RBM34: variants seen among roughly 807,000 people sequenced by gnomAD.
The protein encoded by RBM34 is RNA binding motif protein 34, also known as RNA-binding protein 34.
Under a neutral mutation model 44.6 loss-of-function variants are expected in RBM34, and 39 were observed. That is an observed-to-expected ratio of 0.87 (90% confidence interval 0.68 to 1.14). RBM34 has a LOEUF of 1.14. RBM34 is among the 50% of genes most tolerant of loss of function. The probability of loss-of-function intolerance (pLI) is 0.00; values close to 1 mark genes in which losing one functional copy is unlikely to be tolerated. For synonymous variants in RBM34, 194 were observed against 184.0 expected, an observed-to-expected ratio of 1.05 and a Z score of -0.44; for missense variants, 572 against 517.9, an observed-to-expected ratio of 1.10 and a Z score of -1.01.
rs761837567 is a variant in RBM34 at position 235,131,924 on chromosome 1, C to T, written c.1082G>A (p.Arg361His). The change falls in exon 11 of 11, where the codon CGT becomes CAT. Residue 361 changes from arginine (R) to histidine (H), a missense_variant. By Grantham distance (29) the Arg-to-His change is conservative. Coordinates refer to ENST00000408888, the MANE Select transcript of RBM34 (RefSeq NM_015014.4). The stretch of plus-strand genomic sequence containing the variant: ...TTTAAATTTTTCTTTATTAACAGAA[C>T]GCATGACTCTGAGTTTTCTCCCCAT... ...ELMGRKLRVM[R>H]SVNKEKFKQQ... is the part of the protein sequence containing the mutation. 27 of 1,612,878 alleles carry T rather than the reference C, an allele frequency of 1.7e-5. No homozygotes were observed. Among genetic ancestry groups the T allele is most frequent in the Non-Finnish European group, 2.2e-5 (26 of 1,179,178 alleles).
intron 3 of RBM34, among the ~76,000 whole-genome samples, chr1:235,159,012 C>T (rs902974044): frequency 4.7e-5 from 7 of 149,872 alleles, no homozygotes; most frequent in African/African-American, 1.2e-4. Context: ...CAGCAGTTTG[C>T]GACCAGCCTG....
rs1373363715 is a variant in RBM34 at position 235,138,318 on chromosome 1, A to G, written c.702-144T>C. On this transcript the variant is annotated intron_variant, in intron 6 of 10. Coordinates refer to ENST00000408888, the MANE Select transcript of RBM34 (RefSeq NM_015014.4). Reference sequence around the variant, plus strand: ...CTGGGTGGACATTTCATCTCTTTGAATAAATATTTAGTAATAACTCAAAAA... The same window carrying G: ...CTGGGTGGACATTTCATCTCTTTGAGTAAATATTTAGTAATAACTCAAAAA... 9.6e-6 allele frequency: 6 copies of G among 625,610 alleles called. No individual in the cohort carries two copies. In the Admixed American group the frequency reaches 1.4e-4, roughly 14 times the overall value. 38.8% of individuals were successfully genotyped at this position (625,610 alleles called of 1,614,324 possible).
At chr1:235,152,442 A>C in intron 5 of RBM34, 1 of 1,115,272 alleles carries the variant, frequency 9.0e-7, no homozygotes, top group Non-Finnish European at 1.1e-6. Context: ...CTGACACAGT[A>C]AATAAGTCAC....
intron 3 of RBM34, among the ~76,000 whole-genome samples, chr1:235,156,945 A>G (rs1662475886): frequency 6.6e-6 from 1 of 152,366 alleles, no homozygotes; most frequent in Admixed American, 6.5e-5. Flanking sequence ...CACATAGTCC[A>G]ATAAAAGCTG....
chr1:235,134,182 C>A (rs1013945080), intron 10 of RBM34, among the ~76,000 whole-genome samples: 4 of 152,248 alleles, frequency 2.6e-5, no homozygotes, highest in South Asian at 2.1e-4. Context: ...ACCACCACGC[C>A]CAGCTGATTT....
intron 10 of RBM34, among the ~76,000 whole-genome samples, chr1:235,134,287 G>T (rs1430773826): frequency 1.3e-5 from 2 of 152,122 alleles, no homozygotes; most frequent in African/African-American, 4.8e-5. Flanking sequence ...GCCTCCTAAA[G>T]TGGTGGGATT....
At chr1:235,153,147 G>T (rs1662236322) in intron 4 of RBM34, among the ~76,000 whole-genome samples, 1 of 152,008 alleles carries the variant, frequency 6.6e-6, no homozygotes, top group Non-Finnish European at 1.5e-5. Context: ...TGGGATTACA[G>T]GCATGAGCCA....
Position 235,131,818 on chromosome 1 carries a change from T to G in RBM34, c.1188A>C (p.Gly396=). 1 of 1,614,164 alleles carries G rather than the reference T, an allele frequency of 6.2e-7. No individual in the cohort carries two copies. Among genetic ancestry groups the G allele is most frequent in the Non-Finnish European group, 8.5e-7 (1 of 1,180,000 alleles). ...GLNFTSKTAE[G]HPKSLFIGEK... ...CTCCAATAAATAAGCTTTTAGGATG[T>G]CCTTCTGCAGTTTTGGAAGTAAAAT... The change falls in exon 11 of 11, where the codon GGA becomes GGC. Residue 396 remains glycine (G), a synonymous_variant. Transcript: ENST00000408888.
At chr1:235,133,828 G>A (rs921469756) in intron 10 of RBM34, among the ~76,000 whole-genome samples, 2 of 152,082 alleles carry the variant, frequency 1.3e-5, no homozygotes, top group East Asian at 3.8e-4. Flanking sequence ...AGGGATCCTG[G>A]AACCAATACA....
At chr1:235,145,899 C>T (rs555076934) in intron 6 of RBM34, among the ~76,000 whole-genome samples, 30 of 151,632 alleles carry the variant, frequency 2.0e-4, no homozygotes, top group African/African-American at 7.0e-4. Flanking sequence ...GATCATCTCA[C>T]GTCAGCTTCC....
intron 10 of RBM34, among the ~76,000 whole-genome samples, chr1:235,133,087 A>G (rs148969315): frequency 6.6e-5 from 10 of 152,302 alleles, no homozygotes; most frequent in Admixed American, 6.5e-5. Flanking sequence ...CACACCTATA[A>G]TCCTAGCACT....
intron 10 of RBM34, among the ~76,000 whole-genome samples, chr1:235,132,238 G>A (rs986771385): frequency 1.3e-5 from 2 of 151,920 alleles, no homozygotes; most frequent in Non-Finnish European, 1.5e-5. Context: ...AATGCTACAG[G>A]CTTCGTGGTT....
Position 235,152,757 on chromosome 1 carries a change from C to T in RBM34, c.606G>A (p.Lys202=). The T allele has an allele frequency of 1.3e-6, 2 of 1,575,338 alleles. No individual in the cohort carries two copies. Among genetic ancestry groups the T allele is most frequent in the East Asian group, 2.3e-5 (1 of 44,210 alleles). The part of the protein sequence containing the change: ...LPVTCNKKKL[K]SFFKEYGQIE... ...TTTGTCCATACTCTTTAAAAAACGA[C>T]TTCAGCTTCTAAAATTAAAAAAAAA... Residue 202 remains lysine (K), a synonymous_variant, in exon 5 of 11, where the codon AAG becomes AAA. Transcript: ENST00000408888.
In RBM34 at chr1:235,135,270, C is replaced by T. The variant is rs532245917; in HGVS notation, c.1008+382G>A. ...TTGAGATGGAGTCTTGCTCTGTGGCCCAGGCTGGAGTGCAGTGGCACGATC... is the reference window on the plus strand; with the variant it reads ...TTGAGATGGAGTCTTGCTCTGTGGCTCAGGCTGGAGTGCAGTGGCACGATC... On this transcript the variant is annotated intron_variant, in intron 10 of 10. Coordinates refer to ENST00000408888, the MANE Select transcript of RBM34 (RefSeq NM_015014.4). 1.6e-3 allele frequency among the ~76,000 whole-genome samples: 234 copies of T among 150,246 alleles called. 25 individuals carry two copies. The highest frequency in any genetic ancestry group is 6.8e-3 in the Middle Eastern group (2 of 292).
chr1:235,152,815 T>C (rs1252704066), intron 4 of RBM34, 50 bp from the exon 5 acceptor site: 2 of 1,427,464 alleles, frequency 1.4e-6, no homozygotes, highest in Non-Finnish European at 1.9e-6. Context: ...GAACATCAAA[T>C]AAGTGCTACA....
At position 235,132,244 on chromosome 1, in the gene RBM34, T is replaced by C. The variant is rs1346529637; in HGVS notation, c.1009-247A>G. On this transcript the variant is annotated intron_variant, in intron 10 of 10. Transcript: ENST00000408888. ...CTAAGTCACAATGCTACAGGCTTCG[T>C]GGTTTTTTTTTTTCATTGTAAAATG... Among the ~76,000 whole-genome samples, 106 of 151,890 alleles carry C rather than the reference T, an allele frequency of 7.0e-4. 2 individuals are homozygous for C. Among genetic ancestry groups the C allele is most frequent in the Non-Finnish European group, 1.5e-4 (10 of 67,992 alleles).
intron 5 of RBM34, among the ~76,000 whole-genome samples, chr1:235,150,488 A>G (rs2102851519): frequency 6.6e-6 from 1 of 152,320 alleles, no homozygotes; most frequent in East Asian, 1.9e-4. Context: ...GCTTTGAAGA[A>G]GGGACATTTT....
Position 235,155,032 on chromosome 1 carries a change from C to A in RBM34, c.446G>T (p.Gly149Val), listed in dbSNP as rs1222830913. Reference protein sequence around the residue: ...QGQKRKNSQPGVKVADRKILD... With the variant: ...QGQKRKNSQPVVKVADRKILD... ...TATTTTTCTATCTGCTACTTTAACA[C>A]CAGGTTGAGAATTTTTCCTTTTCTG... Residue 149 changes from glycine to valine, a missense_variant, in exon 4 of 11, where the codon GGT becomes GTT. Coordinates refer to ENST00000408888, the MANE Select transcript of RBM34 (RefSeq NM_015014.4). The A allele has an allele frequency of 6.2e-7, 1 of 1,614,048 alleles. No individual in the cohort carries two copies. Among genetic ancestry groups the A allele is most frequent in the South Asian group, 1.1e-5 (1 of 91,072 alleles).
At chr1:235,160,856 CT>C in intron 2 of RBM34, 36 bp downstream of exon 2, 1 of 1,608,256 alleles carries the variant, frequency 6.2e-7, no homozygotes, top group Non-Finnish European at 8.5e-7. Flanking sequence ...GTAAGTGGTT[CT>C]AACGAGCTAT....
Sources: gnomAD v4.1 joint callset for allele counts (sites outside exome capture counted in the v4.1 genomes callset) on GRCh38, gnomAD v4.1.1 for gene constraint, MANE v1.5 for transcripts, NCBI Gene and HGNC (gene_info 2026-07-23, HGNC 2026-07-21) for gene names.